The following DPYSL2 variants were observed in gnomAD, a reference collection of about 807,000 sequenced individuals.
The protein encoded by DPYSL2 is dihydropyrimidinase like 2.
A neutral mutation model predicts 69.9 loss-of-function variants in DPYSL2; 13 were observed. The ratio of observed to expected loss-of-function variants is 0.19; its 90% CI spans 0.12 to 0.30. The LOEUF is 0.30. DPYSL2 is among the 10% of genes least tolerant of loss of function. The probability of loss-of-function intolerance (pLI) is 1.00; values close to 1 mark genes in which losing one functional copy is unlikely to be tolerated. For missense variants in DPYSL2, 587 were observed against 918.9 expected, an observed-to-expected ratio of 0.64 and a Z score of 4.67; for synonymous variants, 326 against 359.1, an observed-to-expected ratio of 0.91 and a Z score of 1.04.
At position 26,619,677 on chromosome 8, in the gene DPYSL2, G is replaced by A. The variant is rs1802437251; in HGVS notation, c.629-4466G>A. ...GATTACTGGGTCCCAGTCTGGACCT[G>A]CAGCGTCAGAAACTCTGGGGTAAGG... On this transcript the variant is annotated intron_variant, in intron 3 of 13. Coordinates refer to ENST00000521913, the MANE Select transcript of DPYSL2 (RefSeq NM_001197293.3). The surrounding 1 kb of genome is among the most constrained non-coding windows in gnomAD (Gnocchi z 4.8). The A allele has an allele frequency of 6.6e-6, 1 of 152,218 alleles. No homozygotes were observed. 9.4% of individuals were successfully genotyped at this position (152,218 alleles called of 1,614,324 possible). A position where few individuals can be genotyped will look rare whatever the true frequency, so the allele number is the denominator to read the frequency against.
Position 26,583,878 on chromosome 8 carries a change from A to G in DPYSL2, c.523A>G (p.Ile175Val). 2 of 1,614,176 alleles carry G rather than the reference A, an allele frequency of 1.2e-6. No individual in the cohort carries two copies. The highest frequency in any genetic ancestry group is 1.7e-6 in the Non-Finnish European group (2 of 1,180,036). Reference sequence around the variant, plus strand: ...CTCCCGGATGGTGATCCCCGGAGGAATTGACGTCCACACTCGTTTCCAGAT... The same window carrying G: ...CTCCCGGATGGTGATCCCCGGAGGAGTTGACGTCCACACTCGTTTCCAGAT... ...AHSRMVIPGGIDVHTRFQMPD... is the reference protein window; with the variant it reads ...AHSRMVIPGGVDVHTRFQMPD... Residue 175 changes from isoleucine (I) to valine (V), a missense_variant, in exon 3 of 14, where the codon ATT (isoleucine) becomes GTT (valine). Coordinates refer to ENST00000521913, the MANE Select transcript of DPYSL2 (RefSeq NM_001197293.3).
chr8:26,629,284 ACAG>A (rs1303188238), intron 7 of DPYSL2, among the ~76,000 whole-genome samples: 1 of 152,096 alleles, frequency 6.6e-6, no homozygotes, highest in Non-Finnish European at 1.5e-5. Context: ...AGACACACAG[ACAG>A]CTAGACACAG....
chr8:26,642,380 G>C lies in DPYSL2; in HGVS notation c.1127-1059G>C, dbSNP rs761017243. Among the ~76,000 whole-genome samples, 54 of 152,244 alleles carry C rather than the reference G, an allele frequency of 3.5e-4. No homozygotes were observed. The highest frequency in any genetic ancestry group is 3.4e-3 in the Middle Eastern group (1 of 294). On this transcript the variant is annotated intron_variant, in intron 8 of 13. Coordinates refer to ENST00000521913, the MANE Select transcript of DPYSL2 (RefSeq NM_001197293.3). This position sits in a 1 kb window ranked among gnomAD's most constrained non-coding sequence, Gnocchi z 5.3. ...AGTAGTGAAGAGCATCTGATGCTTT[G>C]GTGAGGAGGATTTTCTTTTAAGTCC... is the stretch of plus-strand genomic sequence containing the variant.
chr8:26,528,444 C>T (rs982491844), intron 1 of DPYSL2, among the ~76,000 whole-genome samples: 3 of 151,924 alleles, frequency 2.0e-5, no homozygotes, highest in Admixed American at 6.6e-5. Flanking sequence ...GTCAAGAGAT[C>T]GAGACCATCC....
At chr8:26,556,352 G>GTA (rs58393294) in intron 1 of DPYSL2, among the ~76,000 whole-genome samples, 54 of 4,646 alleles carry the variant, frequency 0.012, 7 homozygotes, top group East Asian at 0.091. Flanking sequence ...TATATATATA[G>GTA]TATATATATA....
Position 26,564,776 on chromosome 8 carries a change from A to ATTTT in DPYSL2, c.355-17193_355-17192insTTTT, listed in dbSNP as rs1563388568. Reference sequence around the variant, plus strand: ...CTTTTTAAAAGAATTTTTTTTTTAAAAAATTTCAATAGCTTTTGGGATACA... The same window carrying ATTTT: ...CTTTTTAAAAGAATTTTTTTTTTAAATTTTAAATTTCAATAGCTTTTGGGATACA... On this transcript the variant is annotated intron_variant, in intron 1 of 13. Coordinates refer to ENST00000521913, the MANE Select transcript of DPYSL2 (RefSeq NM_001197293.3). The surrounding 1 kb of genome is among the most constrained non-coding windows in gnomAD (Gnocchi z 4.8). Among the ~76,000 whole-genome samples the ATTTT allele has an allele frequency of 1.6e-4, 23 of 147,958 alleles. No homozygotes were observed. The highest frequency in any genetic ancestry group is 8.6e-4 in the South Asian group (4 of 4,676).
At chr8:26,615,599 G>T (rs1266892571) in intron 3 of DPYSL2, among the ~76,000 whole-genome samples, 14 of 152,116 alleles carry the variant, frequency 9.2e-5, no homozygotes, top group Admixed American at 9.2e-4. Context: ...TCTGTCCTGT[G>T]TGCACTGAGC....
chr8:26,599,429 T>C (rs1446171765), intron 3 of DPYSL2, among the ~76,000 whole-genome samples: 2 of 152,306 alleles, frequency 1.3e-5, no homozygotes, highest in East Asian at 3.9e-4. Flanking sequence ...TCTTCTCCTC[T>C]TTGTCTTTAA....
rs568181860 is a variant in DPYSL2, at chr8:26,640,199, G to A, written c.1127-3240G>A. ...GGGAGCTATCAAGCATATTTAAACC[G>A]CAGCCTTCCATTTATTCTTCATGAA... is the stretch of plus-strand genomic sequence containing the variant. On this transcript the variant is annotated intron_variant, in intron 8 of 13. Coordinates refer to ENST00000521913, the MANE Select transcript of DPYSL2 (RefSeq NM_001197293.3). This position sits in a 1 kb window ranked among gnomAD's most constrained non-coding sequence, Gnocchi z 4.2. Among the ~76,000 whole-genome samples the A allele has an allele frequency of 2.0e-5, 3 of 152,264 alleles. No individual in the cohort carries two copies. The highest frequency in any genetic ancestry group is 2.1e-4 in the South Asian group (1 of 4,814).
chr8:26,532,819 T>C (rs1042776317), intron 1 of DPYSL2, among the ~76,000 whole-genome samples: 2 of 152,234 alleles, frequency 1.3e-5, no homozygotes, highest in Non-Finnish European at 2.9e-5. Context: ...TTATGAATAA[T>C]GCTGCTATGA....
intron 1 of DPYSL2, among the ~76,000 whole-genome samples, chr8:26,546,078 G>A (rs1800762819): frequency 6.6e-6 from 1 of 152,156 alleles, no homozygotes; most frequent in African/African-American, 2.4e-5. Context: ...AGATCCAGTT[G>A]GGAAGAACTG....
intron 7 of DPYSL2, among the ~76,000 whole-genome samples, chr8:26,632,439 C>A (rs1232880166): frequency 1.3e-5 from 2 of 152,158 alleles, no homozygotes; most frequent in African/African-American, 4.8e-5. Context: ...AATGAAGAAC[C>A]CTTCACAGGG....
At chr8:26,541,180 G>T (rs1324846685) in intron 1 of DPYSL2, among the ~76,000 whole-genome samples, 1 of 152,186 alleles carries the variant, frequency 6.6e-6, no homozygotes, top group Admixed American at 6.5e-5. Context: ...ATTTTTAAGA[G>T]AATTTCTGTA....
At position 26,640,182 on chromosome 8, in the gene DPYSL2, T is replaced by C. The variant is rs144075690; in HGVS notation, c.1127-3257T>C. On this transcript the variant is annotated intron_variant, in intron 8 of 13. Transcript: ENST00000521913. This position sits in a 1 kb window ranked among gnomAD's most constrained non-coding sequence, Gnocchi z 4.2. ...AAATGACTGCCAGAGCTGGGAGCTATCAAGCATATTTAAACCGCAGCCTTC... is the reference window on the plus strand; with the variant it reads ...AAATGACTGCCAGAGCTGGGAGCTACCAAGCATATTTAAACCGCAGCCTTC... Among the ~76,000 whole-genome samples the C allele has an allele frequency of 5.1e-4, 77 of 152,332 alleles. No homozygotes were observed. Among genetic ancestry groups the C allele is most frequent in the African/African-American group, 1.8e-3 (73 of 41,562 alleles).
Position 26,598,786 on chromosome 8 carries a change from T to TAC in DPYSL2, c.628+14806_628+14807dup, listed in dbSNP as rs1801924290. ...CCAGGTGAAGAGCAGGTTTGAGACTTACACCTTGTTTATTGCAATCTTTCT... is the reference window on the plus strand; with the variant it reads ...CCAGGTGAAGAGCAGGTTTGAGACTTACACACCTTGTTTATTGCAATCTTTCT... On this transcript the variant is annotated intron_variant, in intron 3 of 13. Coordinates refer to ENST00000521913, the MANE Select transcript of DPYSL2 (RefSeq NM_001197293.3). This position sits in a 1 kb window ranked among gnomAD's most constrained non-coding sequence, Gnocchi z 4.2. 6.6e-6 allele frequency among the ~76,000 whole-genome samples: 1 copy of TAC among 151,958 alleles called. No homozygotes were observed. Among genetic ancestry groups the TAC allele is most frequent in the Non-Finnish European group, 1.5e-5 (1 of 68,006 alleles).
chr8:26,555,721 CAA>C (rs777981972), intron 1 of DPYSL2, among the ~76,000 whole-genome samples: 1 of 150,588 alleles, frequency 6.6e-6, no homozygotes, highest in African/African-American at 2.4e-5. Context: ...CTCATCTCTA[CAA>C]AAAAATACAA....
At chr8:26,528,840 G>A (rs1313148418) in intron 1 of DPYSL2, among the ~76,000 whole-genome samples, 1 of 152,088 alleles carries the variant, frequency 6.6e-6, no homozygotes, top group Non-Finnish European at 1.5e-5. Flanking sequence ...AATAGGAGAG[G>A]AAGGGTAAAC....
intron 7 of DPYSL2, among the ~76,000 whole-genome samples, chr8:26,629,794 T>C (rs572404612): frequency 1.3e-5 from 2 of 152,334 alleles, no homozygotes; most frequent in Admixed American, 1.3e-4. Context: ...GGGGTCTCAC[T>C]ATATTGCCCA....
chr8:26,612,755 T>C (rs964858166), intron 3 of DPYSL2, among the ~76,000 whole-genome samples: 1 of 152,220 alleles, frequency 6.6e-6, no homozygotes, highest in Non-Finnish European at 1.5e-5. Context: ...GATTTAGGGA[T>C]GGATCGTTGA....
Sources: gnomAD v4.1 joint callset for allele counts (sites outside exome capture counted in the v4.1 genomes callset) on GRCh38, gnomAD v4.1.1 for gene constraint, Gnocchi (gnomAD v3.1) non-coding constraint, MANE v1.5 for transcripts, NCBI Gene and HGNC (gene_info 2026-07-23, HGNC 2026-07-21) for gene names.